CSTPP1: variants seen among roughly 807,000 people sequenced by gnomAD.
The protein encoded by CSTPP1 is UPF0705 protein C11orf49.
chr11:46,983,347 G>A, the CSTPP1 span, among the ~76,000 whole-genome samples: 2 of 152,184 alleles, frequency 1.3e-5, no homozygotes, highest in Non-Finnish European at 2.9e-5. Flanking sequence ...AGATTTTTCA[G>A]TATAGCATGA....
chr11:46,955,152 AAT>A, the CSTPP1 span, among the ~76,000 whole-genome samples: 1 of 152,130 alleles, frequency 6.6e-6, no homozygotes, highest in East Asian at 1.9e-4. Context: ...CCTATTAAAC[AAT>A]CTTGTGGCCA....
chr11:46,992,971 C>T, the CSTPP1 span, among the ~76,000 whole-genome samples: 5 of 137,920 alleles, frequency 3.6e-5, no homozygotes, highest in South Asian at 2.1e-4. Flanking sequence ...TTTTGATTTG[C>T]GTTCTCTGAT....
the CSTPP1 span, among the ~76,000 whole-genome samples, chr11:46,996,315 T>TA: frequency 4.0e-5 from 6 of 150,812 alleles, no homozygotes; most frequent in East Asian, 1.9e-4. Context: ...ATTTTATTTT[T>TA]TTTTTTGAGA....
the CSTPP1 span, among the ~76,000 whole-genome samples, chr11:47,141,546 G>C: frequency 6.6e-6 from 1 of 151,890 alleles, no homozygotes; most frequent in South Asian, 2.1e-4. Flanking sequence ...GGCAGAGGTT[G>C]TAGTAAGCTG....
At chr11:47,026,536 A>G in the CSTPP1 span, among the ~76,000 whole-genome samples, 1 of 152,214 alleles carries the variant, frequency 6.6e-6, no homozygotes, top group Non-Finnish European at 1.5e-5. Flanking sequence ...AATACAATTC[A>G]TATCTTTTAA....
At chr11:47,101,187 T>TA in the CSTPP1 span, among the ~76,000 whole-genome samples, 2 of 101,756 alleles carry the variant, frequency 2.0e-5, no homozygotes, top group African/African-American at 7.9e-5. Flanking sequence ...TTTTTTTTTT[T>TA]TTATTTTATT....
the CSTPP1 span, among the ~76,000 whole-genome samples, chr11:47,144,709 CA>C: frequency 1.3e-5 from 2 of 152,222 alleles, no homozygotes; most frequent in African/African-American, 4.8e-5. Flanking sequence ...CCAAGGGGAC[CA>C]TCACATCTGT....
At chr11:46,954,304 G>A in the CSTPP1 span, among the ~76,000 whole-genome samples, 2 of 152,090 alleles carry the variant, frequency 1.3e-5, no homozygotes, top group African/African-American at 4.8e-5. Context: ...ATCCTAGCAC[G>A]TTGGGAGGCT....
the CSTPP1 span, among the ~76,000 whole-genome samples, chr11:47,075,837 G>A: frequency 2.5e-3 from 366 of 145,590 alleles, 1 homozygote; most frequent in African/African-American, 8.5e-3. Flanking sequence ...TGAATCTCTT[G>A]AACCTGAGAG....
the CSTPP1 span, among the ~76,000 whole-genome samples, chr11:47,109,720 C>T: frequency 6.6e-6 from 1 of 152,196 alleles, no homozygotes; most frequent in Non-Finnish European, 1.5e-5. Context: ...ACAGCCCTTG[C>T]CTTATCTTTC....
At chr11:47,137,986 G>GA in the CSTPP1 span, 4 of 553,240 alleles carry the variant, frequency 7.2e-6, no homozygotes, top group Non-Finnish European at 1.3e-5. Context: ...TGAAGAGGCA[G>GA]AAAAAGCCCA....
At chr11:46,936,745 G>A in the CSTPP1 span, 1 of 1,600,364 alleles carries the variant, frequency 6.2e-7, no homozygotes, top group Non-Finnish European at 8.5e-7. Flanking sequence ...AACGGAGAGA[G>A]ACGGCAACCT....
the CSTPP1 span, among the ~76,000 whole-genome samples, chr11:47,097,332 T>G: frequency 1.1e-5 from 1 of 92,518 alleles, no homozygotes; most frequent in Non-Finnish European, 2.2e-5. Context: ...GGTGGGGGGG[T>G]CAGCCCTCCG....
At chr11:47,131,694 T>C in the CSTPP1 span, among the ~76,000 whole-genome samples, 1 of 152,090 alleles carries the variant, frequency 6.6e-6, no homozygotes, top group Non-Finnish European at 1.5e-5. Context: ...ATCAGTGACA[T>C]GGCCTGGCGC....
the CSTPP1 span, among the ~76,000 whole-genome samples, chr11:47,069,715 TA>T: frequency 2.1e-4 from 32 of 152,148 alleles, no homozygotes; most frequent in African/African-American, 6.3e-4. Flanking sequence ...TTATTATTAT[TA>T]TTTTTTTTTT....
At chr11:47,089,958 C>G in the CSTPP1 span, among the ~76,000 whole-genome samples, 1 of 152,110 alleles carries the variant, frequency 6.6e-6, no homozygotes, top group African/African-American at 2.4e-5. Context: ...GTGTAGAGGA[C>G]AAATAAATGG....
the CSTPP1 span, among the ~76,000 whole-genome samples, chr11:47,079,244 G>A: frequency 6.6e-6 from 1 of 152,176 alleles, no homozygotes; most frequent in Non-Finnish European, 1.5e-5. Flanking sequence ...ATGGACATCT[G>A]GACACAAATC....
At chr11:47,011,132 TG>T in the CSTPP1 span, among the ~76,000 whole-genome samples, 1 of 152,194 alleles carries the variant, frequency 6.6e-6, no homozygotes, top group Non-Finnish European at 1.5e-5. Flanking sequence ...TTGAGGAATT[TG>T]AAACATTTAT....
At chr11:46,985,527 A>G in the CSTPP1 span, among the ~76,000 whole-genome samples, 7 of 152,204 alleles carry the variant, frequency 4.6e-5, no homozygotes, top group African/African-American at 9.6e-5. Context: ...TGAATTTTTT[A>G]TGGTAAATGT....
Sources: gnomAD v4.1 joint callset for allele counts (sites outside exome capture counted in the v4.1 genomes callset) on GRCh38, gnomAD v4.1.1 for gene constraint, MANE v1.5 for transcripts, NCBI Gene and HGNC (gene_info 2026-07-23, HGNC 2026-07-21) for gene names.